RREB1: variants seen among roughly 807,000 people sequenced by gnomAD.
RREB1 encodes the protein ras-responsive element-binding protein 1.
A neutral mutation model predicts 117.8 loss-of-function variants in RREB1; 27 were observed. That is an observed-to-expected ratio of 0.23 (90% confidence interval 0.17 to 0.32). The LOEUF (loss-of-function observed/expected upper bound fraction) is 0.32. Among genes scored for constraint, RREB1 ranks in the 10% least tolerant of loss-of-function variants. The pLI, the probability that RREB1 is intolerant of heterozygous loss-of-function variation, is 1.00. For synonymous variants in RREB1, 1,298 were observed against 1,026.7 expected (o/e 1.26, Z -5.05); for missense variants, 2,577 against 2,378.2 (o/e 1.08, Z -1.74).
intron 1 of RREB1, among the ~76,000 whole-genome samples, chr6:7,153,525 T>C (rs1279347285): frequency 6.6e-6 from 1 of 152,168 alleles, no homozygotes; most frequent in Non-Finnish European, 1.5e-5. Context: ...AACTAGTACA[T>C]AATCATGTTG....
At chr6:7,188,216 C>A (rs1323902688) in intron 5 of RREB1, among the ~76,000 whole-genome samples, 2 of 116,428 alleles carry the variant, frequency 1.7e-5, no homozygotes, top group South Asian at 5.7e-4. Flanking sequence ...TAGAATCGCT[C>A]CCCCCCACAC....
chr6:7,126,801 G>A (rs1334182108), intron 1 of RREB1, among the ~76,000 whole-genome samples: 4 of 152,096 alleles, frequency 2.6e-5, no homozygotes, highest in African/African-American at 4.8e-5. Flanking sequence ...ATCAAGAACC[G>A]TTTCTTGACA....
intron 1 of RREB1, among the ~76,000 whole-genome samples, chr6:7,121,278 G>T (rs1235167807): frequency 6.6e-6 from 1 of 152,122 alleles, no homozygotes; most frequent in Admixed American, 6.5e-5. Flanking sequence ...AATCTTAAAA[G>T]CACTGAAGTG....
intron 1 of RREB1, among the ~76,000 whole-genome samples, chr6:7,154,253 T>TCAC (rs1324395206): frequency 2.0e-5 from 3 of 152,222 alleles, no homozygotes. Flanking sequence ...AGCATTAGCA[T>TCAC]CACCTGGGAA....
At chr6:7,203,488 A>G (rs1248555968) in intron 6 of RREB1, among the ~76,000 whole-genome samples, 1 of 152,226 alleles carries the variant, frequency 6.6e-6, no homozygotes, top group Non-Finnish European at 1.5e-5. Flanking sequence ...GCTCTCTCCA[A>G]ATACTGCCAA....
At chr6:7,174,361 TG>T (rs1764395421) in intron 1 of RREB1, among the ~76,000 whole-genome samples, 1 of 152,104 alleles carries the variant, frequency 6.6e-6, no homozygotes, top group African/African-American at 2.4e-5. Context: ...GGCAAGAGGA[TG>T]GAAGTTTCAA....
Position 7,248,941 on chromosome 6 carries a change from C to T in RREB1, c.5202C>T (p.Gly1734=), listed in dbSNP as rs1166989219. The T allele has an allele frequency of 5.3e-6, 8 of 1,500,036 alleles. No individual in the cohort carries two copies. The highest frequency in any genetic ancestry group is 2.6e-5 in the South Asian group (2 of 76,668). 92.9% of individuals were successfully genotyped at this position (1,500,036 alleles called of 1,614,324 possible). Residue 1734 remains glycine, a synonymous_variant, in exon 13 of 13, where the codon GGC becomes GGT. Transcript: ENST00000379938. The stretch of plus-strand genomic sequence containing the variant: ...ACCCAATCCTGGCCACAGCTGATGG[C>T]GCCTCCCAGCTCGTGGGGATGGAGT... ...PAHPILATAD[G]ASQLVGME
intron 8 of RREB1, among the ~76,000 whole-genome samples, chr6:7,221,963 T>G (rs1767286372): frequency 6.6e-6 from 1 of 152,218 alleles, no homozygotes; most frequent in South Asian, 2.1e-4. Flanking sequence ...TTTGGAAAAG[T>G]ACTTTGCAGT....
intron 6 of RREB1, among the ~76,000 whole-genome samples, chr6:7,190,750 G>T (rs1419555922): frequency 6.6e-6 from 1 of 151,516 alleles, no homozygotes; most frequent in African/African-American, 2.4e-5. Context: ...TTTGCCTTCT[G>T]TTTAGGTCTG....
chr6:7,133,410 A>G (rs551715683), intron 1 of RREB1, among the ~76,000 whole-genome samples: 41 of 152,240 alleles, frequency 2.7e-4, no homozygotes, highest in African/African-American at 8.2e-4. Flanking sequence ...CTGTTTAAAC[A>G]TTGTTTTTTA....
At chr6:7,222,713 G>C (rs1316447824) in intron 8 of RREB1, among the ~76,000 whole-genome samples, 1 of 151,980 alleles carries the variant, frequency 6.6e-6, no homozygotes, top group Non-Finnish European at 1.5e-5. Flanking sequence ...TGTAGCCCTA[G>C]TTACTAGGGA....
chr6:7,229,117 G>A lies in RREB1; in HGVS notation c.1018G>A (p.Ala340Thr), dbSNP rs752029956. The change falls in exon 10 of 13, where the codon GCG (alanine) becomes ACG (threonine). Residue 340 changes from alanine to threonine, a missense_variant. Coordinates refer to ENST00000379938, the MANE Select transcript of RREB1 (RefSeq NM_001003699.4). This position sits in a 1 kb window ranked among gnomAD's most constrained non-coding sequence, Gnocchi z 4.5. ...GGCTCTGCACAAGCAGACCCATGTG[G>A]CGGCAGACCAGGGTCAAGAAAAGCC... is the stretch of plus-strand genomic sequence containing the variant. ...SLALHKQTHV[A>T]ADQGQEKPQA... 1.0e-5 allele frequency: 16 copies of A among 1,607,966 alleles called. No homozygotes were observed. Among genetic ancestry groups the A allele is most frequent in the Non-Finnish European group, 1.3e-5 (15 of 1,175,138 alleles).
At chr6:7,137,769 G>A (rs1449479379) in intron 1 of RREB1, among the ~76,000 whole-genome samples, 12 of 152,160 alleles carry the variant, frequency 7.9e-5, no homozygotes, top group Admixed American at 4.6e-4. Context: ...GTCATTTCAC[G>A]GCCGCCTAGC....
intron 1 of RREB1, among the ~76,000 whole-genome samples, chr6:7,115,477 C>A (rs530514011): frequency 6.6e-6 from 1 of 152,098 alleles, no homozygotes; most frequent in East Asian, 1.9e-4. Flanking sequence ...AGAGTCACCC[C>A]TAGAGTGGCC....
chr6:7,158,875 T>A (rs549997681), intron 1 of RREB1, among the ~76,000 whole-genome samples: 6 of 152,242 alleles, frequency 3.9e-5, no homozygotes, highest in East Asian at 3.9e-4. Context: ...CTTTTTTTTT[T>A]AAACCTTGAT....
At chr6:7,165,096 AG>A (rs1763860597) in intron 1 of RREB1, among the ~76,000 whole-genome samples, 1 of 152,258 alleles carries the variant, frequency 6.6e-6, no homozygotes, top group South Asian at 2.1e-4. Context: ...CAGAGGCACA[AG>A]GAGTGCTATC....
Position 7,211,791 on chromosome 6 carries a change from A to C in RREB1, c.707+82A>C. The C allele has an allele frequency of 2.1e-6, 3 of 1,425,634 alleles. No individual in the cohort carries two copies. In the South Asian group the frequency reaches 3.7e-5, roughly 17 times the overall value. The allele number at this position is 1,425,634 out of a possible 1,614,324, so 88.3% of individuals were successfully genotyped here. On this transcript the variant is annotated intron_variant, in intron 8 of 12. Coordinates refer to ENST00000379938, the MANE Select transcript of RREB1 (RefSeq NM_001003699.4). The stretch of plus-strand genomic sequence containing the variant: ...ATGTTCTTAAGTCCCGTTACTCCAC[A>C]CCGGGCTCCAGTGATTGAACTTGGG...
intron 1 of RREB1, among the ~76,000 whole-genome samples, chr6:7,150,776 GT>G (rs1763085362): frequency 6.6e-6 from 1 of 152,238 alleles, no homozygotes; most frequent in Admixed American, 6.5e-5. Context: ...GTGGCCGAGG[GT>G]GGAAGAGCTT....
intron 1 of RREB1, among the ~76,000 whole-genome samples, chr6:7,138,224 G>A (rs1032593354): frequency 1.3e-5 from 2 of 152,162 alleles, no homozygotes; most frequent in African/African-American, 2.4e-5. Flanking sequence ...TTAGTCTGGA[G>A]GTGATAGAAA....
Sources: gnomAD v4.1 joint callset for allele counts (sites outside exome capture counted in the v4.1 genomes callset) on GRCh38, gnomAD v4.1.1 for gene constraint, Gnocchi (gnomAD v3.1) non-coding constraint, MANE v1.5 for transcripts, NCBI Gene and HGNC (gene_info 2026-07-23, HGNC 2026-07-21) for gene names.